RGS9: variants seen among roughly 807,000 people sequenced by gnomAD.
The protein encoded by RGS9 is regulator of G protein signaling 9.
Under a neutral mutation model 102.0 loss-of-function variants are expected in RGS9, and 78 were observed. That is an observed-to-expected ratio of 0.76 (90% confidence interval 0.64 to 0.92). The LOEUF (loss-of-function observed/expected upper bound fraction) is 0.92. Ranked by LOEUF, RGS9 falls within the 40% of genes least tolerant of loss-of-function variation. The pLI, the probability that RGS9 is intolerant of heterozygous loss-of-function variation, is 0.00. For missense variants in RGS9, 833 were observed against 866.1 expected (o/e 0.96, Z 0.48); for synonymous variants, 353 against 318.6 (o/e 1.11, Z -1.15).
At chr17:65,164,746 C>T (rs570301507) in intron 7 of RGS9, among the ~76,000 whole-genome samples, 2 of 152,316 alleles carry the variant, frequency 1.3e-5, no homozygotes, top group Non-Finnish European at 2.9e-5. Flanking sequence ...GCTCATTAGC[C>T]ACAAACATGT....
intron 8 of RGS9, among the ~76,000 whole-genome samples, chr17:65,177,090 CA>C (rs1911664721): frequency 6.6e-6 from 1 of 151,410 alleles, no homozygotes; most frequent in African/African-American, 2.4e-5. Context: ...TCCATCCATC[CA>C]TCCTTCCATC....
At chr17:65,185,066 C>A (rs1331202874) in intron 9 of RGS9, among the ~76,000 whole-genome samples, 2 of 152,082 alleles carry the variant, frequency 1.3e-5, no homozygotes, top group Non-Finnish European at 2.9e-5. Context: ...CCACTCCCTC[C>A]AAATCAATTT....
At chr17:65,146,583 C>CAA (rs545458134) in intron 1 of RGS9, among the ~76,000 whole-genome samples, 7,225 of 110,288 alleles carry the variant, frequency 0.066, 660 homozygotes, top group African/African-American at 0.21. Flanking sequence ...AAGACTGTCT[C>CAA]AAAAAAAAAA....
Position 65,192,201 on chromosome 17 carries a change from G to T in RGS9, c.747-1342G>T, listed in dbSNP as rs568925594. ...CATCTCAAACATTTATCATTTGTTT[G>T]TGTTGGGAACATTCAATATCTTCTT... On this transcript the variant is annotated intron_variant, in intron 11 of 18. Transcript: ENST00000262406. Among the ~76,000 whole-genome samples the T allele has an allele frequency of 3.3e-5, 5 of 152,306 alleles. No homozygotes were observed. The East Asian group carries it at 9.6e-4, about 29-fold the overall frequency.
At chr17:65,145,258 T>G (rs1306090130) in intron 1 of RGS9, among the ~76,000 whole-genome samples, 1 of 151,666 alleles carries the variant, frequency 6.6e-6, no homozygotes, top group Non-Finnish European at 1.5e-5. Flanking sequence ...GCCTGGCTAA[T>G]TTTTTTGTAT....
intron 17 of RGS9, among the ~76,000 whole-genome samples, chr17:65,212,022 G>A (rs1252371585): frequency 6.6e-6 from 1 of 152,210 alleles, no homozygotes; most frequent in Non-Finnish European, 1.5e-5. Flanking sequence ...TGAGTGAGAT[G>A]AGTTTTCTCT....
chr17:65,163,611 T>C lies in RGS9; in HGVS notation c.500+522T>C, dbSNP rs115322123. On this transcript the variant is annotated intron_variant, in intron 7 of 18. Coordinates refer to ENST00000262406, the MANE Select transcript of RGS9 (RefSeq NM_003835.4). ...AGGCAGATGAAAGAATAGGCTATGGTGCTGCTGTGAGATGAGGGCCACCTG... is the reference window on the plus strand; with the variant it reads ...AGGCAGATGAAAGAATAGGCTATGGCGCTGCTGTGAGATGAGGGCCACCTG... Among the ~76,000 whole-genome samples the C allele has an allele frequency of 9.2e-3, 1,396 of 152,238 alleles. 14 individuals are homozygous for C. Among genetic ancestry groups the C allele is most frequent in the African/African-American group, 0.032 (1,340 of 41,528 alleles).
intron 18 of RGS9, among the ~76,000 whole-genome samples, chr17:65,227,032 T>C (rs1905718110): frequency 6.6e-6 from 1 of 152,134 alleles, no homozygotes; most frequent in Admixed American, 6.5e-5. Flanking sequence ...CAAAGCACCT[T>C]CAGAATTATT....
intron 14 of RGS9, among the ~76,000 whole-genome samples, chr17:65,202,628 C>G (rs993104109): frequency 6.6e-6 from 1 of 152,136 alleles, no homozygotes; most frequent in Admixed American, 6.5e-5. Context: ...CCTGACATCA[C>G]GGCTCCAGCC....
At chr17:65,196,548 G>A (rs1180451653) in intron 12 of RGS9, among the ~76,000 whole-genome samples, 1 of 152,238 alleles carries the variant, frequency 6.6e-6, no homozygotes, top group Non-Finnish European at 1.5e-5. Context: ...GGTGCAGTGG[G>A]ACCTGCATCT....
chr17:65,225,569 C>A, intron 18 of RGS9, 83 bp downstream of exon 18: 1 of 1,587,390 alleles, frequency 6.3e-7, no homozygotes, highest in Non-Finnish European at 8.5e-7. Context: ...ATGCTTTGGG[C>A]TGGGGACTGG....
intron 11 of RGS9, among the ~76,000 whole-genome samples, chr17:65,190,631 A>G (rs1423501844): frequency 1.3e-5 from 2 of 152,180 alleles, no homozygotes; most frequent in Non-Finnish European, 2.9e-5. Flanking sequence ...TCCATGTGCT[A>G]CTAAATGTCC....
intron 7 of RGS9, 128 bp from the exon 8 acceptor site, chr17:65,168,072 A>G: frequency 2.9e-6 from 2 of 682,962 alleles, no homozygotes; most frequent in Non-Finnish European, 5.4e-6. Context: ...TGTGTTCATT[A>G]CTATTACGGT....
Position 65,177,757 on chromosome 17 carries a change from A to T in RGS9, c.608A>T (p.Tyr203Phe). The T allele has an allele frequency of 6.2e-7, 1 of 1,614,192 alleles. No homozygotes were observed. The highest frequency in any genetic ancestry group is 8.5e-7 in the Non-Finnish European group (1 of 1,180,010). Residue 203 changes from tyrosine to phenylalanine, a missense_variant, in exon 9 of 19, where the codon TAC becomes TTC. Physicochemically the swap from Tyr to Phe is conservative, Grantham distance 22 (BLOSUM62 3). This residue lies in a region of RGS9 where 328 missense variants were observed against 340.6 expected (regional missense o/e 0.96). Coordinates refer to ENST00000262406, the MANE Select transcript of RGS9 (RefSeq NM_003835.4). Reference protein sequence around the residue: ...CPPGMDNVLDYGLDRVTNPNE... With the variant: ...CPPGMDNVLDFGLDRVTNPNE... Reference sequence around the variant, plus strand: ...CCTGGAATGGACAATGTGCTGGACTACGGCCTGGACCGAGTGACCAATCCG... The same window carrying T: ...CCTGGAATGGACAATGTGCTGGACTTCGGCCTGGACCGAGTGACCAATCCG...
chr17:65,196,207 T>C (rs1912579764), intron 12 of RGS9, among the ~76,000 whole-genome samples: 1 of 152,246 alleles, frequency 6.6e-6, no homozygotes, highest in Admixed American at 6.5e-5. Flanking sequence ...CATAGGACAA[T>C]GCTTTGTGAA....
At chr17:65,139,607 C>G (rs1314255973) in intron 1 of RGS9, among the ~76,000 whole-genome samples, 1 of 152,180 alleles carries the variant, frequency 6.6e-6, no homozygotes, top group Non-Finnish European at 1.5e-5. Context: ...CCTTTCTCCC[C>G]CTCTCGCTTG....
At chr17:65,220,010 TCAA>T (rs55675868) in intron 17 of RGS9, among the ~76,000 whole-genome samples, 26,902 of 150,252 alleles carry the variant, frequency 0.18, 3,264 homozygotes, top group African/African-American at 0.35. Flanking sequence ...ATCATCACCA[TCAA>T]CATCACCACC....
At chr17:65,180,772 G>A (rs1370496689) in intron 9 of RGS9, among the ~76,000 whole-genome samples, 2 of 152,164 alleles carry the variant, frequency 1.3e-5, no homozygotes, top group African/African-American at 4.8e-5. Context: ...AGTACTCATA[G>A]GTAGTTTTTC....
At chr17:65,204,376 T>C (rs1912968401) in intron 15 of RGS9, 75 bp downstream of exon 15, 5 of 1,547,898 alleles carry the variant, frequency 3.2e-6, no homozygotes, top group Middle Eastern at 1.9e-4. Flanking sequence ...ATTCTTTAGA[T>C]ATAGGAAAAA....
Sources: gnomAD v4.1 joint callset for allele counts (sites outside exome capture counted in the v4.1 genomes callset) on GRCh38, gnomAD v4.1.1 for gene constraint, gnomAD v4.1.1 regional missense constraint, MANE v1.5 for transcripts, NCBI Gene and HGNC (gene_info 2026-07-23, HGNC 2026-07-21) for gene names.